The following USP36 variants were observed in gnomAD, a reference collection of about 807,000 sequenced individuals.
USP36 encodes the protein ubiquitin carboxyl-terminal hydrolase 36.
USP36 carries 59 observed loss-of-function variants against 111.5 expected under a neutral mutation model. The ratio of observed to expected loss-of-function variants is 0.53; its 90% CI spans 0.43 to 0.66. The LOEUF (loss-of-function observed/expected upper bound fraction) is 0.66, where lower values mean the gene tolerates loss of function less well. USP36 is among the 30% of genes least tolerant of loss of function. USP36 has a pLI of 0.00. For missense variants in USP36, 1,488 were observed against 1,468.0 expected (o/e 1.01, Z -0.22); for synonymous variants, 628 against 581.0 (o/e 1.08, Z -1.16).
Position 78,807,609 on chromosome 17 carries a change from G to A in USP36, c.1435C>T (p.Pro479Ser), listed in dbSNP as rs775104906. 4 of 1,541,298 alleles carry A rather than the reference G, an allele frequency of 2.6e-6. No homozygotes were observed. The Admixed American group carries it at 6.3e-5, about 24-fold the overall frequency. The change falls in exon 14 of 21, where the codon CCG (proline) becomes TCG (serine). Residue 479 changes from proline (P) to serine (S), a missense_variant. Pro to Ser is a moderately conservative substitution (Grantham distance 74). Coordinates refer to ENST00000449938, the MANE Select transcript of USP36 (RefSeq NM_001385174.1). ...KRQDSGTMKK[P>S]HTTEEIGVPI... ...ACACCAATCTCTTCAGTGGTGTGCGGCTTCTTCATCGTCCCAGAGTCTTGT... is the reference window on the plus strand; with the variant it reads ...ACACCAATCTCTTCAGTGGTGTGCGACTTCTTCATCGTCCCAGAGTCTTGT...
chr17:78,833,679 T>C (rs950997898), intron 4 of USP36, among the ~76,000 whole-genome samples: 3 of 152,206 alleles, frequency 2.0e-5, no homozygotes, highest in Non-Finnish European at 4.4e-5. Flanking sequence ...TCCAGAATTC[T>C]ACTTAGAGAT....
intron 6 of USP36, chr17:78,826,859 C>T (rs901795011): frequency 7.1e-6 from 4 of 565,922 alleles, no homozygotes; most frequent in African/African-American, 5.6e-5. Context: ...ATTCCTACCA[C>T]CCCAACCTCT....
At chr17:78,819,867 C>A in intron 9 of USP36, 63 bp downstream of exon 9, 1 of 1,542,402 alleles carries the variant, frequency 6.5e-7, no homozygotes, top group South Asian at 1.1e-5. Flanking sequence ...ACAACACTGT[C>A]AGGTGAGGGG....
In USP36 at chr17:78,839,486, A is replaced by T. The variant is rs375080552; in HGVS notation, c.-173-736T>A. On this transcript the variant is annotated intron_variant, in intron 1 of 20. Transcript: ENST00000449938. ...CGTATTAAAAACTCCCCACAATATC[A>T]CTGCTTTCGGTTAGGACTCACATCT... 7.5e-4 allele frequency among the ~76,000 whole-genome samples: 114 copies of T among 152,244 alleles called. 3 individuals are homozygous for T. The South Asian group carries it at 0.023, about 30-fold the overall frequency.
rs2279310 is a variant in USP36 at position 78,796,788 on chromosome 17, T to C, written c.*1112A>G. 9,900 of 152,340 alleles carry C rather than the reference T, an allele frequency of 0.065. 629 individuals carry two copies. Among genetic ancestry groups the C allele is most frequent in the African/African-American group, 0.16 (6,524 of 41,476 alleles). The allele number at this position is 152,340 out of a possible 1,614,324, so 9.4% of individuals were successfully genotyped here. The stretch of plus-strand genomic sequence containing the variant: ...CACCTGCGACGACTCCGGGAGGAAA[T>C]GACGGGGACAGACCCGATGAGGAAG... On this transcript the variant is annotated 3_prime_UTR_variant, in exon 21 of 21. Coordinates refer to ENST00000449938, the MANE Select transcript of USP36 (RefSeq NM_001385174.1).
At chr17:78,801,004 TCTCA>T (rs2093729235) in intron 17 of USP36, among the ~76,000 whole-genome samples, 1 of 124,852 alleles carries the variant, frequency 8.0e-6, no homozygotes, top group South Asian at 2.5e-4. Flanking sequence ...TGAGACGGAG[TCTCA>T]CTCTGTCACC....
rs764019486 is a variant in USP36 at position 78,806,250 on chromosome 17, G to A, written c.2122C>T (p.Arg708Cys). 41 of 1,613,708 alleles carry A rather than the reference G, an allele frequency of 2.5e-5. No individual in the cohort carries two copies. Among genetic ancestry groups the A allele is most frequent in the Non-Finnish European group, 3.0e-5 (35 of 1,180,012 alleles). Reference protein sequence around the residue: ...TLWRATGNDLRPPPPSPSSDL... With the variant: ...TLWRATGNDLCPPPPSPSSDL... ...GAGGATGGTGAGGGGGGAGGTGGACGGAGGTCATTGCCGGTCGCCCTCCAC... is the reference window on the plus strand; with the variant it reads ...GAGGATGGTGAGGGGGGAGGTGGACAGAGGTCATTGCCGGTCGCCCTCCAC... The change falls in exon 15 of 21, where the codon CGT becomes TGT. Residue 708 changes from arginine to cysteine, a missense_variant. Arg to Cys is a radical substitution (Grantham distance 180). This residue lies in a region of USP36 where 1,073 missense variants were observed against 994.1 expected (regional missense o/e 1.08). Coordinates refer to ENST00000449938, the MANE Select transcript of USP36 (RefSeq NM_001385174.1).
intron 3 of USP36, among the ~76,000 whole-genome samples, chr17:78,790,292 C>G (rs1459881896): frequency 6.6e-6 from 1 of 151,312 alleles, no homozygotes; most frequent in Non-Finnish European, 1.5e-5. Context: ...GTTTCTTTTT[C>G]TTTTTCTTTT....
rs968867639 is a variant in USP36, at chr17:78,834,997, G to GTGTATATATATATATATATATATA, written c.475+282_475+283insTATATATATATATATATATATACA. ...TACTGTCTCTAAAAAAATAATATTT[G>GTGTATATATATATATATATATATA]TATATATATATATATATATATTTTG... On this transcript the variant is annotated intron_variant, in intron 4 of 20. Transcript: ENST00000449938. 2.1e-4 allele frequency among the ~76,000 whole-genome samples: 30 copies of GTGTATATATATATATATATATATA among 141,428 alleles called. 1 individual carries two copies. Among genetic ancestry groups the GTGTATATATATATATATATATATA allele is most frequent in the African/African-American group, 7.8e-4 (28 of 35,846 alleles). The allele number at this position is 141,428 out of a possible 152,430, so 92.8% of individuals were successfully genotyped here.
Position 78,806,942 on chromosome 17 carries a change from G to C in USP36, c.2085+17C>G. On this transcript the variant is annotated intron_variant, in intron 14 of 20. Coordinates refer to ENST00000449938, the MANE Select transcript of USP36 (RefSeq NM_001385174.1). The stretch of plus-strand genomic sequence containing the variant: ...CTCTCCTGATACACAGCAGCGGCGA[G>C]ACCCCCACACACCCACCTTCTTGGC... 1.2e-6 allele frequency: 2 copies of C among 1,612,162 alleles called. No individual in the cohort carries two copies. Among genetic ancestry groups the C allele is most frequent in the Non-Finnish European group, 8.5e-7 (1 of 1,178,678 alleles).
At position 78,802,423 on chromosome 17, in the gene USP36, G is replaced by A. The variant is rs2093776418; in HGVS notation, c.2923C>T (p.Leu975Phe). ...GGCTTGGCACTCCTTGGGCATTTGAGATGCCCATCCTCTTCTACTGCCCGC... is the reference window on the plus strand; with the variant it reads ...GGCTTGGCACTCCTTGGGCATTTGAAATGCCCATCCTCTTCTACTGCCCGC... ...TQRAVEEDGHLKCPRSAKPQD... is the reference protein window; with the variant it reads ...TQRAVEEDGHFKCPRSAKPQD... Residue 975 changes from leucine (L) to phenylalanine (F), a missense_variant, in exon 17 of 21, where the codon CTC (leucine) becomes TTC (phenylalanine). This residue lies in a region of USP36 where 1,073 missense variants were observed against 994.1 expected (regional missense o/e 1.08). Coordinates refer to ENST00000449938, the MANE Select transcript of USP36 (RefSeq NM_001385174.1). 2 of 1,612,718 alleles carry A rather than the reference G, an allele frequency of 1.2e-6. No individual in the cohort carries two copies. The highest frequency in any genetic ancestry group is 1.7e-6 in the Non-Finnish European group (2 of 1,179,712).
intron 13 of USP36, among the ~76,000 whole-genome samples, chr17:78,809,493 T>C (rs1030063826): frequency 6.6e-6 from 1 of 152,036 alleles, no homozygotes; most frequent in African/African-American, 2.4e-5. Context: ...ATTTGGAAAA[T>C]CACGTTTGTA....
chr17:78,819,169 A>AG (rs1467039551), intron 9 of USP36: 1 of 185,120 alleles, frequency 5.4e-6, no homozygotes, highest in African/African-American at 2.4e-5. Context: ...AAACACAGGG[A>AG]GAGAAAACAG....
At position 78,802,831 on chromosome 17, in the gene USP36, C is replaced by G. The variant is rs2093789338; in HGVS notation, c.2811-296G>C. Among the ~76,000 whole-genome samples, 3 of 152,232 alleles carry G rather than the reference C, an allele frequency of 2.0e-5. No homozygotes were observed. In the South Asian group the frequency reaches 6.2e-4, roughly 31 times the overall value. ...GCAGATCCTGGCCTGGCCCGGGACA[C>G]CTGATCCAGCATCCTTGAACGGCCC... On this transcript the variant is annotated intron_variant, in intron 16 of 20. Coordinates refer to ENST00000449938, the MANE Select transcript of USP36 (RefSeq NM_001385174.1).
intron 5 of USP36, among the ~76,000 whole-genome samples, chr17:78,828,348 G>C (rs753834011): frequency 6.6e-6 from 1 of 152,200 alleles, no homozygotes; most frequent in Non-Finnish European, 1.5e-5. Context: ...TCTGCCAAGT[G>C]AATGTGAATG....
rs78586109 is a variant in USP36 at position 78,809,392 on chromosome 17, C to T, written c.1408-1756G>A. 5.2e-3 allele frequency among the ~76,000 whole-genome samples: 798 copies of T among 152,260 alleles called. 12 individuals carry two copies. Among genetic ancestry groups the T allele is most frequent in the African/African-American group, 0.018 (746 of 41,534 alleles). ...AAAGGAATTCATCTTTCCACTGCAC[C>T]GCAAAGCCGTTTCACTGGCTGAACA... On this transcript the variant is annotated intron_variant, in intron 13 of 20. Transcript: ENST00000449938.
chr17:78,837,625 A>G (rs906178795), intron 2 of USP36, among the ~76,000 whole-genome samples: 2 of 152,102 alleles, frequency 1.3e-5, no homozygotes, highest in East Asian at 3.8e-4. Context: ...TGTATCCACC[A>G]CTTGCCCTCC....
At position 78,796,086 on chromosome 17, in the gene USP36, A is replaced by G. The variant is rs924045517; in HGVS notation, c.*1814T>C. On this transcript the variant is annotated 3_prime_UTR_variant, in exon 21 of 21. Coordinates refer to ENST00000449938, the MANE Select transcript of USP36 (RefSeq NM_001385174.1). ...TGCAGAAAGTCATCTCGTGCTCACC[A>G]CTGCCCAAGAGTTAACGAATGTATG... The G allele has an allele frequency of 6.6e-6, 1 of 152,182 alleles. No individual in the cohort carries two copies. The highest frequency in any genetic ancestry group is 1.5e-5 in the Non-Finnish European group (1 of 68,046). 9.4% of individuals were successfully genotyped at this position (152,182 alleles called of 1,614,324 possible). A position where few individuals can be genotyped will look rare whatever the true frequency, so the allele number is the denominator to read the frequency against.
chr17:78,836,148 G>A lies in USP36; in HGVS notation c.216C>T (p.Arg72=). 1 of 1,613,848 alleles carries A rather than the reference G, an allele frequency of 6.2e-7. No individual in the cohort carries two copies. The highest frequency in any genetic ancestry group is 1.7e-5 in the Admixed American group (1 of 60,008). ...CCGGTGGGTCATCTCCACTCTTGTG[G>A]CGACTAGCTCCCTCTGTTTTGGGGT... ...LLNPKTEGAS[R]HKSGDDPPAR... The change falls in exon 3 of 21, where the codon CGC becomes CGT. Residue 72 remains arginine, a synonymous_variant. Coordinates refer to ENST00000449938, the MANE Select transcript of USP36 (RefSeq NM_001385174.1).
Sources: allele counts gnomAD v4.1 joint callset (sites outside exome capture counted in the v4.1 genomes callset), GRCh38; gene constraint gnomAD v4.1.1; regional missense constraint gnomAD v4.1.1; transcripts MANE v1.5; gene names NCBI Gene and HGNC (gene_info 2026-07-23, HGNC 2026-07-21).